The following PIWIL2 variants were observed in gnomAD, a reference collection of about 807,000 sequenced individuals.
The protein encoded by PIWIL2 is piwi-like protein 2.
Under a neutral mutation model 116.5 loss-of-function variants are expected in PIWIL2, and 81 were observed. The ratio of observed to expected loss-of-function variants is 0.70; its 90% CI spans 0.58 to 0.84. The LOEUF (loss-of-function observed/expected upper bound fraction) is 0.84, where lower values mean the gene tolerates loss of function less well. PIWIL2 is among the 40% of genes least tolerant of loss of function. The pLI is 0.00. For synonymous variants in PIWIL2, 489 were observed against 429.5 expected, an observed-to-expected ratio of 1.14 and a Z score of -1.71; for missense variants, 1,272 against 1,212.3, an observed-to-expected ratio of 1.05 and a Z score of -0.73.
In PIWIL2 at chr8:22,283,195, A is replaced by C. The variant is rs1830552906; in HGVS notation, c.587A>C (p.His196Pro). 1.2e-6 allele frequency: 2 copies of C among 1,613,734 alleles called. No individual in the cohort carries two copies. Among genetic ancestry groups the C allele is most frequent in the Non-Finnish European group, 1.7e-6 (2 of 1,179,920 alleles). ...CCAGCTCTGCCCCAGTCTCCCCTGC[A>C]CTCTCCAGATCGCCCTCTGGTCCTG... ...SPPALPQSPL[H>P]SPDRPLVLTV... The change falls in exon 5 of 23, where the codon CAC becomes CCC. Residue 196 changes from histidine (H) to proline (P), a missense_variant. By Grantham distance (77) the His-to-Pro change is moderately conservative. Transcript: ENST00000356766.
At position 22,314,429 on chromosome 8, in the gene PIWIL2, G is replaced by T; in HGVS notation, c.2091G>T (p.Gln697His). 6.5e-7 allele frequency: 1 copy of T among 1,539,104 alleles called. No individual in the cohort carries two copies. Among genetic ancestry groups the T allele is most frequent in the Non-Finnish European group, 8.8e-7 (1 of 1,133,134 alleles). ...GTGTGCAGTCCCCAGTGCCCTCCCAGGTGAGTGGGTGTTGGGGCAGGAGGC... is the reference window on the plus strand; with the variant it reads ...GTGTGCAGTCCCCAGTGCCCTCCCATGTGAGTGGGTGTTGGGGCAGGAGGC... ...LCCVQSPVPS[Q>H]VVNVRTIGQP... is the part of the protein sequence containing the mutation. Residue 697 changes from glutamine (Q) to histidine (H), a missense_variant and splice_region_variant, in exon 17 of 23, where the codon CAG (glutamine) becomes CAT (histidine). By Grantham distance (24) the Gln-to-His change is conservative. Transcript: ENST00000356766.
At chr8:22,284,922 C>A (rs1479295050) in intron 6 of PIWIL2, among the ~76,000 whole-genome samples, 1 of 151,934 alleles carries the variant, frequency 6.6e-6, no homozygotes. Context: ...TTTTGAAATA[C>A]CTGTGAAGAA....
chr8:22,314,390 C>G lies in PIWIL2; in HGVS notation c.2052C>G (p.Ile684Met), dbSNP rs748651604. ...CACGTGATGATCTCTATGGGGCCAT[C>G]AAGAAGCTGTGCTGTGTGCAGTCCC... ...MGPRDDLYGA[I>M]KKLCCVQSPV... Residue 684 changes from isoleucine to methionine, a missense_variant, in exon 17 of 23, where the codon ATC (isoleucine) becomes ATG (methionine). Coordinates refer to ENST00000356766, the MANE Select transcript of PIWIL2 (RefSeq NM_018068.5). The G allele has an allele frequency of 1.3e-6, 2 of 1,586,734 alleles. No homozygotes were observed. The highest frequency in any genetic ancestry group is 1.7e-6 in the Non-Finnish European group (2 of 1,165,178).
At chr8:22,314,568 C>T in intron 17 of PIWIL2, 139 bp downstream of exon 17, 1 of 456,324 alleles carries the variant, frequency 2.2e-6, no homozygotes, top group Non-Finnish European at 3.9e-6. Flanking sequence ...GAAAGGTTCT[C>T]CTGATTAGAG....
Position 22,306,104 on chromosome 8 carries a change from C to G in PIWIL2, c.1545+88C>G, listed in dbSNP as rs1831171460. 6 of 877,642 alleles carry G rather than the reference C, an allele frequency of 6.8e-6. No homozygotes were observed. The East Asian group carries it at 1.5e-4, about 22-fold the overall frequency. The allele number at this position is 877,642 out of a possible 1,614,324, so 54.4% of individuals were successfully genotyped here. On this transcript the variant is annotated intron_variant, in intron 13 of 22. Coordinates refer to ENST00000356766, the MANE Select transcript of PIWIL2 (RefSeq NM_018068.5). ...TTTGAGTTAGAACCGAGCCACGTTC[C>G]AACTCTGATGTTGGCTTGCATTGTA...
rs113028979 is a variant in PIWIL2 at position 22,336,012 on chromosome 8, A to G, written c.2404-16947A>G. Among the ~76,000 whole-genome samples, 1,044 of 152,308 alleles carry G rather than the reference A, an allele frequency of 6.9e-3. 10 individuals carry two copies. Among genetic ancestry groups the G allele is most frequent in the African/African-American group, 0.024 (1,009 of 41,566 alleles). ...CCAAAAACAGAGGAAACAAAAACTA[A>G]TATAATTAAAGGGAGAAATAGGCAA... is the stretch of plus-strand genomic sequence containing the variant. On this transcript the variant is annotated intron_variant, in intron 20 of 22. Coordinates refer to ENST00000356766, the MANE Select transcript of PIWIL2 (RefSeq NM_018068.5).
At chr8:22,294,266 A>T (rs1273098943) in intron 10 of PIWIL2, among the ~76,000 whole-genome samples, 1 of 139,916 alleles carries the variant, frequency 7.1e-6, no homozygotes, top group Non-Finnish European at 1.5e-5. Context: ...TGAACCCGGG[A>T]GGCAGAGGTT....
At chr8:22,305,070 C>T (rs996267253) in intron 12 of PIWIL2, among the ~76,000 whole-genome samples, 1 of 152,032 alleles carries the variant, frequency 6.6e-6, no homozygotes, top group African/African-American at 2.4e-5. Flanking sequence ...CCCCACGAGG[C>T]GGAACTAAAT....
At chr8:22,319,080 A>C (rs1194187680) in intron 20 of PIWIL2, among the ~76,000 whole-genome samples, 1 of 152,194 alleles carries the variant, frequency 6.6e-6, no homozygotes, top group African/African-American at 2.4e-5. Flanking sequence ...CAAGGTACTG[A>C]TTTCTGCCTT....
rs547157465 is a variant in PIWIL2 at position 22,297,365 on chromosome 8, T to C, written c.1182-6656T>C. Among the ~76,000 whole-genome samples, 23 of 152,276 alleles carry C rather than the reference T, an allele frequency of 1.5e-4. No homozygotes were observed. In the Middle Eastern group the frequency reaches 0.01, roughly 68 times the overall value. On this transcript the variant is annotated intron_variant, in intron 10 of 22. Coordinates refer to ENST00000356766, the MANE Select transcript of PIWIL2 (RefSeq NM_018068.5). ...AATCCTGGCCTTAAGTTATCCTCCT[T>C]CTACATCGGCCCCCTAAAGTGCTAG...
chr8:22,299,847 C>A (rs1831003116), intron 10 of PIWIL2, among the ~76,000 whole-genome samples: 1 of 152,160 alleles, frequency 6.6e-6, no homozygotes, highest in African/African-American at 2.4e-5. Context: ...GCTGGTCAGC[C>A]TTCTGTCACT....
intron 20 of PIWIL2, among the ~76,000 whole-genome samples, chr8:22,335,168 A>G (rs1197751699): frequency 1.3e-5 from 2 of 152,208 alleles, no homozygotes; most frequent in Non-Finnish European, 2.9e-5. Context: ...TAGCTATTTA[A>G]TACAAAATAC....
At chr8:22,294,482 A>G (rs1586547624) in intron 10 of PIWIL2, among the ~76,000 whole-genome samples, 1 of 151,510 alleles carries the variant, frequency 6.6e-6, no homozygotes, top group Non-Finnish European at 1.5e-5. Flanking sequence ...TCTACTAAAA[A>G]TACAAAAAAT....
intron 10 of PIWIL2, among the ~76,000 whole-genome samples, chr8:22,301,433 A>G (rs1204828511): frequency 6.6e-6 from 1 of 152,004 alleles, no homozygotes; most frequent in East Asian, 1.9e-4. Context: ...AGCTGGGACT[A>G]CAGGCATGCG....
intron 10 of PIWIL2, among the ~76,000 whole-genome samples, chr8:22,296,427 T>C (rs566089945): frequency 6.6e-6 from 1 of 152,304 alleles, no homozygotes; most frequent in South Asian, 2.1e-4. Flanking sequence ...TGTTTTAGTG[T>C]AGCATATATA....
rs1187477168 is a variant in PIWIL2, at chr8:22,284,276, T to G, written c.743+4T>G. 1.4e-6 allele frequency: 2 copies of G among 1,429,186 alleles called. No homozygotes were observed. Among genetic ancestry groups the G allele is most frequent in the Non-Finnish European group, 9.7e-7 (1 of 1,027,422 alleles). 88.5% of individuals were successfully genotyped at this position (1,429,186 alleles called of 1,614,324 possible). ...ATCAATATCATGTGACTTTCAGGTA[T>G]TCACAGCTTTCCTTTGTATTGTTCA... On this transcript the variant is annotated splice_donor_region_variant and intron_variant, in intron 6 of 22. Coordinates refer to ENST00000356766, the MANE Select transcript of PIWIL2 (RefSeq NM_018068.5).
rs7005441 is a variant in PIWIL2, at chr8:22,331,669, A to G, written c.2403+13394A>G. Reference sequence around the variant, plus strand: ...CAAATGACATAACAAAGTACCAGCAACTGGCTTACACAACAGAAATTTATT... The same window carrying G: ...CAAATGACATAACAAAGTACCAGCAGCTGGCTTACACAACAGAAATTTATT... On this transcript the variant is annotated intron_variant, in intron 20 of 22. Coordinates refer to ENST00000356766, the MANE Select transcript of PIWIL2 (RefSeq NM_018068.5). 4.7e-4 allele frequency among the ~76,000 whole-genome samples: 71 copies of G among 152,236 alleles called. 3 individuals are homozygous for G. The highest frequency in any genetic ancestry group is 1.6e-3 in the African/African-American group (66 of 41,512).
chr8:22,292,057 G>A (rs1475480663), intron 10 of PIWIL2, among the ~76,000 whole-genome samples: 1 of 152,106 alleles, frequency 6.6e-6, no homozygotes, highest in Non-Finnish European at 1.5e-5. Context: ...GAAGCTTTTG[G>A]CATGTGGACA....
chr8:22,349,204 A>G (rs1439662922), intron 20 of PIWIL2, among the ~76,000 whole-genome samples: 1 of 150,732 alleles, frequency 6.6e-6, no homozygotes, highest in Non-Finnish European at 1.5e-5. Flanking sequence ...ACGGGGTTTC[A>G]CCATGTTGCC....
Sources: gnomAD v4.1 joint callset for allele counts (sites outside exome capture counted in the v4.1 genomes callset) on GRCh38, gnomAD v4.1.1 for gene constraint, MANE v1.5 for transcripts, NCBI Gene and HGNC (gene_info 2026-07-23, HGNC 2026-07-21) for gene names.